Variants in KCNIP4 observed in about 807,000 individuals in gnomAD.
KCNIP4 encodes potassium voltage-gated channel interacting protein 4.
A neutral mutation model predicts 34.0 loss-of-function variants in KCNIP4; 12 were observed. The observed-to-expected ratio is 0.35, with a 90% CI of 0.23 to 0.57. The LOEUF is 0.57. Ranked by LOEUF, KCNIP4 falls within the 20% of genes least tolerant of loss-of-function variation. KCNIP4 has a pLI of 0.83. For synonymous variants in KCNIP4, 124 were observed against 102.2 expected (o/e 1.21, Z -1.29); for missense variants, 238 against 311.7 (o/e 0.76, Z 1.78).
intron 1 of KCNIP4, among the ~76,000 whole-genome samples, chr4:21,625,256 T>C (rs774609830): frequency 1.3e-5 from 2 of 152,076 alleles, no homozygotes; most frequent in Non-Finnish European, 2.9e-5. Context: ...CAGATAACAA[T>C]TGTATTTACC....
At chr4:20,758,066 C>T (rs751814866) in intron 4 of KCNIP4, among the ~76,000 whole-genome samples, 24 of 152,266 alleles carry the variant, frequency 1.6e-4, no homozygotes, top group Non-Finnish European at 3.4e-4. Context: ...TCTTAATTCC[C>T]CCTACGTGAT....
intron 1 of KCNIP4, among the ~76,000 whole-genome samples, chr4:20,929,356 G>A (rs1329525374): frequency 6.6e-6 from 1 of 151,850 alleles, no homozygotes; most frequent in Non-Finnish European, 1.5e-5. Flanking sequence ...ACTCTTAACA[G>A]TTTATGTATA....
chr4:20,769,778 G>T (rs192426504), intron 3 of KCNIP4, among the ~76,000 whole-genome samples: 54 of 152,284 alleles, frequency 3.5e-4, no homozygotes, highest in African/African-American at 9.9e-4. Context: ...TTCTGTGGTT[G>T]TAGGGCCCAG....
chr4:20,980,998 T>C (rs1736012190), intron 1 of KCNIP4, among the ~76,000 whole-genome samples: 1 of 152,216 alleles, frequency 6.6e-6, no homozygotes, highest in Non-Finnish European at 1.5e-5. Flanking sequence ...GCTGCCTTTT[T>C]TTCTCAAACC....
chr4:21,423,954 C>T (rs10022465), intron 1 of KCNIP4, among the ~76,000 whole-genome samples: 1,589 of 151,198 alleles, frequency 0.011, 27 homozygotes, highest in African/African-American at 0.036. Flanking sequence ...ATTACAGGCG[C>T]GCGCCACCAT....
intron 1 of KCNIP4, among the ~76,000 whole-genome samples, chr4:21,081,363 A>AT (rs1314281873): frequency 2.6e-5 from 4 of 151,762 alleles, no homozygotes; most frequent in African/African-American, 9.7e-5. Flanking sequence ...GATTATGCCC[A>AT]TATTTTTTTG....
At chr4:21,438,498 A>G (rs1034830018) in intron 1 of KCNIP4, among the ~76,000 whole-genome samples, 4 of 152,158 alleles carry the variant, frequency 2.6e-5, no homozygotes, top group African/African-American at 9.7e-5. Flanking sequence ...TTTATTTAGG[A>G]ATCTTTTTCT....
rs375719194 is a variant in KCNIP4, at chr4:20,736,016, C to T, written c.430-1281G>A. On this transcript the variant is annotated intron_variant, in intron 5 of 8. Transcript: ENST00000382152. ...TAGCTGTATTTCTATCTGAATTTCT[C>T]AAAATGTTTTTTCTTTTTTAAATAA... Among the ~76,000 whole-genome samples the T allele has an allele frequency of 5.9e-5, 9 of 152,188 alleles. 1 individual carries two copies. In the South Asian group the frequency reaches 1.9e-3, roughly 31 times the overall value.
chr4:21,893,347 C>T (rs774639271), intron 1 of KCNIP4, among the ~76,000 whole-genome samples: 18 of 152,190 alleles, frequency 1.2e-4, no homozygotes, highest in Non-Finnish European at 1.6e-4. Context: ...CACCAGATGT[C>T]GAAACAGTTT....
At chr4:21,603,959 C>T (rs1743428528) in intron 1 of KCNIP4, among the ~76,000 whole-genome samples, 1 of 151,864 alleles carries the variant, frequency 6.6e-6, no homozygotes, top group African/African-American at 2.4e-5. Context: ...AATGAAGTAA[C>T]TGATAGACTT....
At chr4:21,451,756 C>A (rs1472335792) in intron 1 of KCNIP4, among the ~76,000 whole-genome samples, 1 of 152,050 alleles carries the variant, frequency 6.6e-6, no homozygotes, top group African/African-American at 2.4e-5. Context: ...AAGGTGGTGT[C>A]TGTAATTTTC....
chr4:21,828,582 C>T (rs1037420607), intron 1 of KCNIP4, among the ~76,000 whole-genome samples: 5 of 151,620 alleles, frequency 3.3e-5, no homozygotes, highest in Non-Finnish European at 5.9e-5. Context: ...AAATGCCAGA[C>T]CATAACAAGA....
intron 1 of KCNIP4, among the ~76,000 whole-genome samples, chr4:21,180,619 T>A (rs1754769980): frequency 6.6e-6 from 1 of 151,602 alleles, no homozygotes; most frequent in Non-Finnish European, 1.5e-5. Context: ...AAGAAACTAC[T>A]GTTGGCAAGT....
chr4:21,013,128 G>A (rs1739208828), intron 1 of KCNIP4, among the ~76,000 whole-genome samples: 1 of 152,180 alleles, frequency 6.6e-6, no homozygotes, highest in East Asian at 1.9e-4. Flanking sequence ...CTGGACAGCA[G>A]GAAAGGGTCT....
intron 1 of KCNIP4, among the ~76,000 whole-genome samples, chr4:21,318,885 G>A (rs184383367): frequency 6.6e-6 from 1 of 151,862 alleles, no homozygotes; most frequent in Admixed American, 6.6e-5. Flanking sequence ...ATTTGAAAGG[G>A]AATTATATTT....
chr4:21,441,953 A>G (rs553493007), intron 1 of KCNIP4, among the ~76,000 whole-genome samples: 2 of 152,234 alleles, frequency 1.3e-5, no homozygotes, highest in African/African-American at 2.4e-5. Context: ...TCATTTAAGA[A>G]ATATCCACTA....
intron 1 of KCNIP4, among the ~76,000 whole-genome samples, chr4:21,131,974 A>T (rs1166276216): frequency 6.6e-6 from 1 of 152,178 alleles, no homozygotes; most frequent in Non-Finnish European, 1.5e-5. Context: ...ATCAGTGTTA[A>T]TTTTTTCAGT....
chr4:21,830,677 C>T (rs1722930456), intron 1 of KCNIP4, among the ~76,000 whole-genome samples: 1 of 151,472 alleles, frequency 6.6e-6, no homozygotes, highest in African/African-American at 2.4e-5. Context: ...CAGTCTCAAA[C>T]AAACAAACAA....
chr4:21,057,321 T>C (rs1319331361), intron 1 of KCNIP4, among the ~76,000 whole-genome samples: 2 of 152,220 alleles, frequency 1.3e-5, no homozygotes, highest in Non-Finnish European at 2.9e-5. Context: ...CACATAGTTC[T>C]GTCATAAAGT....
Sources: gnomAD v4.1 joint callset for allele counts (sites outside exome capture counted in the v4.1 genomes callset) on GRCh38, gnomAD v4.1.1 for gene constraint, MANE v1.5 for transcripts, NCBI Gene and HGNC (gene_info 2026-07-23, HGNC 2026-07-21) for gene names.